The following GDI2 variants were observed in gnomAD, a reference collection of about 807,000 sequenced individuals.
The protein encoded by GDI2 is rab GDP dissociation inhibitor beta.
A neutral mutation model predicts 54.2 loss-of-function variants in GDI2; 22 were observed. The observed-to-expected ratio is 0.41, with a 90% confidence interval of 0.29 to 0.58. The LOEUF is 0.58. Ranked by LOEUF, GDI2 falls within the 20% of genes least tolerant of loss-of-function variation. The pLI is 0.35. For synonymous variants in GDI2, 177 were observed against 182.1 expected (o/e 0.97, Z 0.23); for missense variants, 422 against 546.0 (o/e 0.77, Z 2.26).
At chr10:5,781,468 AC>A (rs1840753388) in intron 6 of GDI2, among the ~76,000 whole-genome samples, 1 of 151,822 alleles carries the variant, frequency 6.6e-6, no homozygotes, top group South Asian at 2.1e-4. Context: ...TACTAAAAAT[AC>A]AAAAAATTAG....
At chr10:5,780,643 A>C (rs939825302) in intron 6 of GDI2, among the ~76,000 whole-genome samples, 2 of 152,240 alleles carry the variant, frequency 1.3e-5, no homozygotes, top group Non-Finnish European at 2.9e-5. Context: ...CATAAAATTA[A>C]GACAATTTCA....
rs999135546 is a variant in GDI2 at position 5,776,944 on chromosome 10, C to T, written c.720-3003G>A. The T allele has an allele frequency of 1.7e-6, 1 of 585,256 alleles. No homozygotes were observed. Among genetic ancestry groups the T allele is most frequent in the East Asian group, 3.0e-5 (1 of 33,444 alleles). 36.3% of individuals were successfully genotyped at this position (585,256 alleles called of 1,614,324 possible). On this transcript the variant is annotated intron_variant, in intron 6 of 10. Coordinates refer to ENST00000380191, the MANE Select transcript of GDI2 (RefSeq NM_001494.4). This position sits in a 1 kb window ranked among gnomAD's most constrained non-coding sequence, Gnocchi z 5.3. Reference sequence around the variant, plus strand: ...GCAAAAAAATTAAAAGGGAAAACCACATAGAAGGGTAATCCCGGAAATGCT... The same window carrying T: ...GCAAAAAAATTAAAAGGGAAAACCATATAGAAGGGTAATCCCGGAAATGCT...
In GDI2 at chr10:5,768,470, T is replaced by C; in HGVS notation, c.820-86A>G. 1.2e-6 allele frequency: 1 copy of C among 848,486 alleles called. No individual in the cohort carries two copies. Among genetic ancestry groups the C allele is most frequent in the East Asian group, 2.6e-5 (1 of 37,974 alleles). 52.6% of individuals were successfully genotyped at this position (848,486 alleles called of 1,614,324 possible). ...TGTTCATAGTTTGGAAGACTTAGTATTGTTAAGATATCAAAAACCATCCTC... is the reference window on the plus strand; with the variant it reads ...TGTTCATAGTTTGGAAGACTTAGTACTGTTAAGATATCAAAAACCATCCTC... On this transcript the variant is annotated intron_variant, in intron 7 of 10. Transcript: ENST00000380191. The surrounding 1 kb of genome is among the most constrained non-coding windows in gnomAD (Gnocchi z 4.4).
At chr10:5,810,930 A>G (rs1841469528) in intron 1 of GDI2, among the ~76,000 whole-genome samples, 1 of 152,224 alleles carries the variant, frequency 6.6e-6, no homozygotes, top group African/African-American at 2.4e-5. Context: ...CAGCAACTCC[A>G]GCACTTCCTT....
At chr10:5,811,022 A>C (rs1324317995) in intron 1 of GDI2, among the ~76,000 whole-genome samples, 1 of 152,218 alleles carries the variant, frequency 6.6e-6, no homozygotes, top group Non-Finnish European at 1.5e-5. Context: ...CACTAAAGTA[A>C]ATTTTAAGAA....
intron 6 of GDI2, among the ~76,000 whole-genome samples, chr10:5,780,503 A>C (rs1317757995): frequency 6.8e-6 from 1 of 147,360 alleles, no homozygotes; most frequent in African/African-American, 2.5e-5. Flanking sequence ...ACTGTGTAGA[A>C]GGATAATTCT....
intron 6 of GDI2, among the ~76,000 whole-genome samples, chr10:5,780,296 A>G: frequency 7.0e-6 from 1 of 143,136 alleles, no homozygotes. Context: ...CCATCTACAA[A>G]AAAAAAAAAA....
At chr10:5,784,326 T>C (rs1840825865) in intron 6 of GDI2, among the ~76,000 whole-genome samples, 1 of 152,210 alleles carries the variant, frequency 6.6e-6, no homozygotes, top group Non-Finnish European at 1.5e-5. Context: ...TCCATTCATA[T>C]CCTGTATCAC....
intron 2 of GDI2, among the ~76,000 whole-genome samples, 168 bp downstream of exon 2, chr10:5,800,429 CA>C (rs1401400307): frequency 6.6e-6 from 1 of 152,196 alleles, no homozygotes; most frequent in Non-Finnish European, 1.5e-5. Flanking sequence ...CAACAAAAGT[CA>C]AAATGTAAAT....
chr10:5,808,103 G>A lies in GDI2; in HGVS notation c.45+5111C>T, dbSNP rs151045327. On this transcript the variant is annotated intron_variant, in intron 1 of 10. Coordinates refer to ENST00000380191, the MANE Select transcript of GDI2 (RefSeq NM_001494.4). ...TGTAATCCTAACACTTTGGGAGGAC[G>A]AGGCAGAAGAACTGCTTGAGCCCAG... 1.1e-3 allele frequency among the ~76,000 whole-genome samples: 169 copies of A among 152,248 alleles called. 3 individuals carry two copies. The East Asian group carries it at 0.022, about 20-fold the overall frequency.
At position 5,812,409 on chromosome 10, in the gene GDI2, A is replaced by G. The variant is rs1201075616; in HGVS notation, c.45+805T>C. Among the ~76,000 whole-genome samples the G allele has an allele frequency of 2.6e-5, 4 of 152,192 alleles. No individual in the cohort carries two copies. In the East Asian group the frequency reaches 5.8e-4, roughly 22 times the overall value. On this transcript the variant is annotated intron_variant, in intron 1 of 10. Coordinates refer to ENST00000380191, the MANE Select transcript of GDI2 (RefSeq NM_001494.4). ...TGAAGAAAGCTTCGGAGTACAGAGA[A>G]CTTGGCTTTTAGCAATCCATCACCA...
intron 1 of GDI2, among the ~76,000 whole-genome samples, chr10:5,804,579 CATT>C (rs1564399534): frequency 2.0e-5 from 3 of 152,308 alleles, no homozygotes; most frequent in Admixed American, 2.0e-4. Context: ...CTGCGTCTGA[CATT>C]ATGCAACACG....
rs184862622 is a variant in GDI2, at chr10:5,791,427, T to C, written c.388+3458A>G. Reference sequence around the variant, plus strand: ...GAGTTTAAGACCAGCCTGGCCAACATGGCGAAACCCGGTCTCTACTAAAAC... The same window carrying C: ...GAGTTTAAGACCAGCCTGGCCAACACGGCGAAACCCGGTCTCTACTAAAAC... On this transcript the variant is annotated intron_variant, in intron 4 of 10. Coordinates refer to ENST00000380191, the MANE Select transcript of GDI2 (RefSeq NM_001494.4). Among the ~76,000 whole-genome samples, 24 of 152,288 alleles carry C rather than the reference T, an allele frequency of 1.6e-4. No homozygotes were observed. In the East Asian group the frequency reaches 4.3e-3, roughly 27 times the overall value.
chr10:5,791,784 C>T (rs969888294), intron 4 of GDI2, among the ~76,000 whole-genome samples: 5 of 150,156 alleles, frequency 3.3e-5, no homozygotes, highest in South Asian at 2.1e-4. Flanking sequence ...GGTGTGGTGG[C>T]GTGCGCCTGT....
Position 5,774,286 on chromosome 10 carries a change from C to T in GDI2, c.720-345G>A, listed in dbSNP as rs1840567951. Among the ~76,000 whole-genome samples the T allele has an allele frequency of 2.0e-5, 3 of 152,174 alleles. No homozygotes were observed. The highest frequency in any genetic ancestry group is 3.8e-4 in the East Asian group (2 of 5,202). On this transcript the variant is annotated intron_variant, in intron 6 of 10. Transcript: ENST00000380191. The surrounding 1 kb of genome is among the most constrained non-coding windows in gnomAD (Gnocchi z 4.8). ...AAACTTGCCTCAGTCTCTCCTTCTA[C>T]CTTATGCCCCTTGGTCATTCTTTCT...
Position 5,773,900 on chromosome 10 carries a change from G to C in GDI2, c.761C>G (p.Pro254Arg). ...ATTCTGTACAATGATTTCTTCAATG[G>C]GTTTATTCAGCATATAGGTACCTCC... ...IYGGTYMLNK[P>R]IEEIIVQNGK... Residue 254 changes from proline to arginine, a missense_variant, in exon 7 of 11, where the codon CCC (proline) becomes CGC (arginine). By Grantham distance (103) the Pro-to-Arg change is moderately radical. Coordinates refer to ENST00000380191, the MANE Select transcript of GDI2 (RefSeq NM_001494.4). 1.3e-6 allele frequency: 2 copies of C among 1,562,054 alleles called. No individual in the cohort carries two copies. Among genetic ancestry groups the C allele is most frequent in the South Asian group, 1.1e-5 (1 of 88,046 alleles).
intron 1 of GDI2, among the ~76,000 whole-genome samples, chr10:5,810,531 A>C (rs979838767): frequency 6.6e-6 from 1 of 152,252 alleles, no homozygotes; most frequent in Non-Finnish European, 1.5e-5. Context: ...GAGCTCAAAA[A>C]GCATAGCAGC....
At position 5,765,826 on chromosome 10, in the gene GDI2, A is replaced by G; in HGVS notation, c.*180T>C. On this transcript the variant is annotated 3_prime_UTR_variant, in exon 11 of 11. Transcript: ENST00000380191. ...AGAATGTGGTAACTGCCAATGCTGA[A>G]TAGCCACTCCATGAAAACAAGTTAA... is the stretch of plus-strand genomic sequence containing the variant. The G allele has an allele frequency of 1.8e-6, 1 of 543,306 alleles. No individual in the cohort carries two copies. The highest frequency in any genetic ancestry group is 3.2e-6 in the Non-Finnish European group (1 of 314,592). 33.7% of individuals were successfully genotyped at this position (543,306 alleles called of 1,614,324 possible). A position where few individuals can be genotyped will look rare whatever the true frequency, so the allele number is the denominator to read the frequency against.
intron 4 of GDI2, among the ~76,000 whole-genome samples, chr10:5,789,813 T>C (rs547492197): frequency 4.6e-5 from 7 of 152,336 alleles, no homozygotes; most frequent in African/African-American, 1.7e-4. Context: ...GATGTAGTAT[T>C]AAGTCTTAAC....
Sources: gnomAD v4.1 joint callset for allele counts (sites outside exome capture counted in the v4.1 genomes callset) on GRCh38, gnomAD v4.1.1 for gene constraint, Gnocchi (gnomAD v3.1) non-coding constraint, MANE v1.5 for transcripts, NCBI Gene and HGNC (gene_info 2026-07-23, HGNC 2026-07-21) for gene names.